MIB1: variants seen among roughly 807,000 people sequenced by gnomAD.
MIB1 encodes the protein MIB E3 ubiquitin protein ligase 1.
MIB1 carries 278 observed loss-of-function variants against 124.5 expected under a neutral mutation model. The ratio of observed to expected loss-of-function variants is 2.23; its 90% CI spans 2.02 to 2.47. MIB1 has a LOEUF of 2.47. Among genes scored for constraint, MIB1 ranks in the 30% most tolerant of loss-of-function variants. The probability of loss-of-function intolerance (pLI) is 0.00; values close to 1 mark genes in which losing one functional copy is unlikely to be tolerated. For missense variants in MIB1, 957 were observed against 1,254.4 expected (o/e 0.76, Z 3.58); for synonymous variants, 446 against 429.4 (o/e 1.04, Z -0.48).
rs112524059 is a variant in MIB1 at position 21,796,717 on chromosome 18, T to C, written c.1093-1367T>C. 3.2e-4 allele frequency among the ~76,000 whole-genome samples: 48 copies of C among 152,286 alleles called. 1 individual carries two copies. Among genetic ancestry groups the C allele is most frequent in the African/African-American group, 1.1e-3 (45 of 41,558 alleles). Reference sequence around the variant, plus strand: ...TTTCTCAATAAAGAGCCAAGGCTTTTTGGAGAAATGGCTAATTCTGACTCT... The same window carrying C: ...TTTCTCAATAAAGAGCCAAGGCTTTCTGGAGAAATGGCTAATTCTGACTCT... On this transcript the variant is annotated intron_variant, in intron 7 of 20. Coordinates refer to ENST00000261537, the MANE Select transcript of MIB1 (RefSeq NM_020774.4).
At chr18:21,860,915 T>G (rs1163435215) in intron 20 of MIB1, among the ~76,000 whole-genome samples, 1 of 152,120 alleles carries the variant, frequency 6.6e-6, no homozygotes. Flanking sequence ...GACACATGCC[T>G]GGAGTCCTAC....
Position 21,838,427 on chromosome 18 carries a change from A to G in MIB1, c.1892A>G (p.Asp631Gly). Residue 631 changes from aspartate to glycine, a missense_variant, in exon 13 of 21, where the codon GAT becomes GGT. By Grantham distance (94) the Asp-to-Gly change is moderately conservative. Coordinates refer to ENST00000261537, the MANE Select transcript of MIB1 (RefSeq NM_020774.4). ...TGGATTGTGGATGAGAAGAAAGATG[A>G]TGGTTATACTGCCTTACATCTGGCT... ...RPWIVDEKKD[D>G]GYTALHLAAL... 6.2e-7 allele frequency: 1 copy of G among 1,610,398 alleles called. No individual in the cohort carries two copies.
Position 21,725,616 on chromosome 18 carries a change from T to G in MIB1, n.167+20493T>G, listed in dbSNP as rs560381980. On this transcript the variant is annotated intron_variant and non_coding_transcript_variant, in intron 1 of 20. Coordinates refer to the MIB1 transcript ENST00000578646. ...GTAACTGGAGTCATTTGAGACTATCTTCCTCTGGAGGGGATTAATTTACAG... is the reference window on the plus strand; with the variant it reads ...GTAACTGGAGTCATTTGAGACTATCGTCCTCTGGAGGGGATTAATTTACAG... Among the ~76,000 whole-genome samples the G allele has an allele frequency of 7.9e-5, 12 of 152,334 alleles. No individual in the cohort carries two copies. In the South Asian group the frequency reaches 2.5e-3, roughly 32 times the overall value.
chr18:21,817,314 A>G (rs905259546), intron 11 of MIB1, among the ~76,000 whole-genome samples: 4 of 151,676 alleles, frequency 2.6e-5, no homozygotes, highest in African/African-American at 4.8e-5. Flanking sequence ...ATGCCTGGCT[A>G]ATTTTTTGTA....
At chr18:21,758,110 A>G (rs2146396323) in intron 1 of MIB1, among the ~76,000 whole-genome samples, 1 of 152,340 alleles carries the variant, frequency 6.6e-6, no homozygotes, top group African/African-American at 2.4e-5. Flanking sequence ...GGGGATAACA[A>G]TTGCTTACTT....
intron 20 of MIB1, among the ~76,000 whole-genome samples, chr18:21,859,628 C>A (rs2042256935): frequency 6.6e-6 from 1 of 151,978 alleles, no homozygotes; most frequent in African/African-American, 2.4e-5. Flanking sequence ...GTGGCTCATG[C>A]CTGTAATCCC....
chr18:21,749,797 T>C (rs1221301422), intron 1 of MIB1, among the ~76,000 whole-genome samples: 6 of 151,752 alleles, frequency 4.0e-5, no homozygotes, highest in African/African-American at 1.5e-4. Flanking sequence ...TGCCCCACCA[T>C]TCCCGGCTAA....
intron 1 of MIB1, among the ~76,000 whole-genome samples, chr18:21,731,997 AAG>A (rs1401020602): frequency 1.3e-5 from 2 of 151,524 alleles, no homozygotes; most frequent in East Asian, 3.9e-4. Flanking sequence ...ACTAAAGAAG[AAG>A]AAAAATGGGT....
intron 6 of MIB1, among the ~76,000 whole-genome samples, chr18:21,782,655 T>C (rs894915592): frequency 9.9e-5 from 15 of 152,204 alleles, no homozygotes; most frequent in Non-Finnish European, 2.2e-4. Context: ...TCAACTTTTT[T>C]GAATTTAGTG....
At chr18:21,736,311 A>G (rs1677461861), upstream of MIB1, among the ~76,000 whole-genome samples, 1 of 152,242 alleles carries the variant, frequency 6.6e-6, no homozygotes, top group Middle Eastern at 3.2e-3. Flanking sequence ...GAAAACTAAC[A>G]AACAGAAAGG....
At chr18:21,786,639 CT>C (rs1171650242) in intron 6 of MIB1, among the ~76,000 whole-genome samples, 1 of 151,864 alleles carries the variant, frequency 6.6e-6, no homozygotes, top group Admixed American at 6.6e-5. Flanking sequence ...CCTTTTCATT[CT>C]TTTTTCTCTT....
At chr18:21,823,319 C>G (rs947610219) in intron 12 of MIB1, among the ~76,000 whole-genome samples, 1 of 150,014 alleles carries the variant, frequency 6.7e-6, no homozygotes, top group Middle Eastern at 3.5e-3. Flanking sequence ...GAATATTGCT[C>G]GAGCCTAGGA....
chr18:21,739,943 A>AAAC (rs1175353778), upstream of MIB1, among the ~76,000 whole-genome samples: 32 of 152,000 alleles, frequency 2.1e-4, no homozygotes, highest in African/African-American at 7.7e-4. Flanking sequence ...AACAACAACA[A>AAAC]AAAAAACCAA....
Position 21,848,451 on chromosome 18 carries a change from C to CA in MIB1, c.2394-734dup, listed in dbSNP as rs529907005. ...GGCAACAAGAGCAAAATTCTGTCTCCAAAAAAAAAAATCTATAAATATAAA... is the reference window on the plus strand; with the variant it reads ...GGCAACAAGAGCAAAATTCTGTCTCCAAAAAAAAAAAATCTATAAATATAAA... On this transcript the variant is annotated intron_variant, in intron 16 of 20. Transcript: ENST00000261537. Among the ~76,000 whole-genome samples the CA allele has an allele frequency of 9.1e-3, 1,296 of 142,028 alleles. 11 individuals carry two copies. The highest frequency in any genetic ancestry group is 0.016 in the South Asian group (71 of 4,502). 93.2% of individuals were successfully genotyped at this position (142,028 alleles called of 152,430 possible).
chr18:21,828,400 C>A (rs556762676), intron 12 of MIB1: 1 of 151,718 alleles, frequency 6.6e-6, no homozygotes, highest in Non-Finnish European at 1.5e-5. Flanking sequence ...TGGGTTAAGA[C>A]CCTGATAAAC....
At chr18:21,764,407 T>C (rs1343441900) in intron 1 of MIB1, among the ~76,000 whole-genome samples, 2 of 152,184 alleles carry the variant, frequency 1.3e-5, no homozygotes, top group African/African-American at 4.8e-5. Context: ...TTTTCTTTCT[T>C]ATCGGGAAGT....
At chr18:21,711,459 T>G (rs2040665279) in intron 1 of MIB1, among the ~76,000 whole-genome samples, 1 of 151,850 alleles carries the variant, frequency 6.6e-6, no homozygotes, top group South Asian at 2.1e-4. Context: ...TCTTTTTGTA[T>G]TTTTAGTAGA....
chr18:21,820,074 T>C (rs1189671113), intron 12 of MIB1, among the ~76,000 whole-genome samples: 2 of 152,208 alleles, frequency 1.3e-5, no homozygotes, highest in African/African-American at 4.8e-5. Flanking sequence ...TTATATAAAC[T>C]TCTAGTATAG....
intron 20 of MIB1, among the ~76,000 whole-genome samples, chr18:21,862,694 T>C (rs1434156899): frequency 6.6e-6 from 1 of 152,184 alleles, no homozygotes; most frequent in Non-Finnish European, 1.5e-5. Context: ...TGGTTCACTC[T>C]AGGGCTTGCT....
Sources: gnomAD v4.1 joint callset for allele counts (sites outside exome capture counted in the v4.1 genomes callset) on GRCh38, gnomAD v4.1.1 for gene constraint, MANE v1.5 for transcripts, NCBI Gene and HGNC (gene_info 2026-07-23, HGNC 2026-07-21) for gene names.